Variants in ANKRD30BL observed in about 807,000 individuals in gnomAD.
ANKRD30BL encodes the protein putative ankyrin repeat domain-containing protein 30B-like.
A neutral mutation model predicts 18.4 loss-of-function variants in ANKRD30BL; 20 were observed. The ratio of observed to expected loss-of-function variants is 1.09; its 90% CI spans 0.77 to 1.58. The LOEUF is 1.58. Among genes scored for constraint, ANKRD30BL ranks in the 40% most tolerant of loss-of-function variants. The pLI is 0.00. For synonymous variants in ANKRD30BL, 72 were observed against 100.9 expected, an observed-to-expected ratio of 0.71 and a Z score of 1.72; for missense variants, 224 against 268.6, an observed-to-expected ratio of 0.83 and a Z score of 1.16.
chr2:132,222,864 A>AAAG (rs1679732182), intron 1 of ANKRD30BL, among the ~76,000 whole-genome samples: 4 of 144,500 alleles, frequency 2.8e-5, no homozygotes, highest in South Asian at 2.1e-4. Flanking sequence ...AAAAAAAAAA[A>AAAG]GAAACACTGT....
rs1224516283 is a variant in ANKRD30BL at position 132,209,388 on chromosome 2, A to C, written n.441+48141T>G. On this transcript the variant is annotated intron_variant and non_coding_transcript_variant, in intron 1 of 4. Transcript: ENST00000470729. ...AAGCATTCTGAGAAACTTCTTTGTGATGTGTGCATTCATCTCACAGAGCTG... is the reference window on the plus strand; with the variant it reads ...AAGCATTCTGAGAAACTTCTTTGTGCTGTGTGCATTCATCTCACAGAGCTG... 2.6e-5 allele frequency among the ~76,000 whole-genome samples: 4 copies of C among 152,244 alleles called. No individual in the cohort carries two copies. In the South Asian group the frequency reaches 6.2e-4, roughly 24 times the overall value.
chr2:132,187,328 A>G (rs1033213402), intron 1 of ANKRD30BL, among the ~76,000 whole-genome samples: 1 of 150,966 alleles, frequency 6.6e-6, no homozygotes, highest in Non-Finnish European at 1.5e-5. Flanking sequence ...GGGAGTAGCT[A>G]GGATTACAGA....
intron 1 of ANKRD30BL, among the ~76,000 whole-genome samples, chr2:132,187,911 A>C (rs1558924796): frequency 6.6e-6 from 1 of 152,026 alleles, no homozygotes; most frequent in Non-Finnish European, 1.5e-5. Context: ...GGCACCTGCC[A>C]CCATGCCCAG....
intron 1 of ANKRD30BL, among the ~76,000 whole-genome samples, chr2:132,195,626 A>T (rs1678947660): frequency 6.6e-6 from 1 of 151,496 alleles, no homozygotes; most frequent in African/African-American, 2.4e-5. Flanking sequence ...CCCCATCTCT[A>T]CTAAAAATTC....
chr2:132,197,245 T>C (rs1466483872), intron 1 of ANKRD30BL, among the ~76,000 whole-genome samples: 1 of 152,216 alleles, frequency 6.6e-6, no homozygotes, highest in East Asian at 1.9e-4. Flanking sequence ...TAAAAATGAA[T>C]CCATATCCAG....
At chr2:132,254,472 G>A (rs1009633191) in intron 1 of ANKRD30BL, among the ~76,000 whole-genome samples, 19 of 151,828 alleles carry the variant, frequency 1.3e-4, no homozygotes, top group Admixed American at 2.0e-4. Flanking sequence ...GGGCTGATCC[G>A]AGGGCCTCAC....
intron 1 of ANKRD30BL, among the ~76,000 whole-genome samples, chr2:132,199,966 G>A (rs1457041417): frequency 3.3e-5 from 5 of 152,184 alleles, no homozygotes; most frequent in Admixed American, 6.5e-5. Flanking sequence ...TATCCAACAC[G>A]ATCAAGTGGG....
In ANKRD30BL at chr2:132,182,213, G is replaced by C. The variant is rs184614126; in HGVS notation, n.442-25067C>G. 2.3e-3 allele frequency among the ~76,000 whole-genome samples: 353 copies of C among 152,266 alleles called. 1 individual carries two copies. Among genetic ancestry groups the C allele is most frequent in the African/African-American group, 8.1e-3 (336 of 41,562 alleles). On this transcript the variant is annotated intron_variant and non_coding_transcript_variant, in intron 1 of 4. Transcript: ENST00000470729. ...AAAGAAAATTTGTAGGCCGGGCGCAGTTGCTCAAGCCTGTATCCCAGGACT... is the reference window on the plus strand; with the variant it reads ...AAAGAAAATTTGTAGGCCGGGCGCACTTGCTCAAGCCTGTATCCCAGGACT...
At chr2:132,162,772 T>G (rs1352635711), upstream of ANKRD30BL, among the ~76,000 whole-genome samples, 2 of 152,252 alleles carry the variant, frequency 1.3e-5, no homozygotes, top group African/African-American at 4.8e-5. Flanking sequence ...GCTCGCGCCC[T>G]GAGCGCTGGT....
At chr2:132,244,067 G>A (rs1334692306) in intron 1 of ANKRD30BL, among the ~76,000 whole-genome samples, 1 of 152,292 alleles carries the variant, frequency 6.6e-6, no homozygotes, top group Non-Finnish European at 1.5e-5. Flanking sequence ...TGGTGAAAAA[G>A]GAAATATCTT....
At chr2:132,177,710 C>T (rs1271812797) in intron 1 of ANKRD30BL, among the ~76,000 whole-genome samples, 1 of 152,098 alleles carries the variant, frequency 6.6e-6, no homozygotes, top group African/African-American at 2.4e-5. Flanking sequence ...GCATTTTCTC[C>T]TTTTTTGTTG....
At chr2:132,166,440 A>AG (rs111738843), upstream of ANKRD30BL, among the ~76,000 whole-genome samples, 23 of 114,940 alleles carry the variant, frequency 2.0e-4, no homozygotes, top group South Asian at 8.9e-4. Context: ...TGGGGGGGTG[A>AG]GGGGGGGTTA....
At chr2:132,219,411 G>C (rs1239897012) in intron 1 of ANKRD30BL, among the ~76,000 whole-genome samples, 4 of 151,816 alleles carry the variant, frequency 2.6e-5, no homozygotes, top group Non-Finnish European at 4.4e-5. Flanking sequence ...GAGCAGGTTT[G>C]AAACACTCTT....
At chr2:132,231,053 G>A (rs984442778) in intron 1 of ANKRD30BL, among the ~76,000 whole-genome samples, 10 of 151,938 alleles carry the variant, frequency 6.6e-5, no homozygotes, top group African/African-American at 2.4e-4. Flanking sequence ...AAGTAAGGGA[G>A]TTGAACCTTT....
rs370046016 is a variant in ANKRD30BL, at chr2:132,161,395, C to A, written c.218+93G>T. ...CCGCCACTCCTCCACCTGCTCCCCT[C>A]GTCCCCAGGACCCCCAGGCCCCACT... is the stretch of plus-strand genomic sequence containing the variant. On this transcript the variant is annotated intron_variant, in intron 1 of 5. Transcript: ENST00000409867. 4.0e-5 allele frequency: 49 copies of A among 1,233,832 alleles called. No individual in the cohort carries two copies. The East Asian group carries it at 1.2e-3, about 30-fold the overall frequency. 76.4% of individuals were successfully genotyped at this position (1,233,832 alleles called of 1,614,324 possible).
At chr2:132,200,826 C>T (rs200182787) in intron 1 of ANKRD30BL, among the ~76,000 whole-genome samples, 8 of 152,144 alleles carry the variant, frequency 5.3e-5, no homozygotes, top group Middle Eastern at 3.4e-3. Context: ...AAAAAGAGCC[C>T]GCATCGCCAA....
chr2:132,197,465 T>C (rs1678991765), intron 1 of ANKRD30BL, among the ~76,000 whole-genome samples: 1 of 152,134 alleles, frequency 6.6e-6, no homozygotes, highest in Non-Finnish European at 1.5e-5. Context: ...TTCTAGATTA[T>C]AATTTTTACT....
chr2:132,239,945 G>A (rs1377074951), intron 1 of ANKRD30BL, among the ~76,000 whole-genome samples: 1 of 151,756 alleles, frequency 6.6e-6, no homozygotes, highest in Non-Finnish European at 1.5e-5. Context: ...TGGACATTTG[G>A]ATAGCTTTGA....
chr2:132,191,705 T>A (rs981446363), intron 1 of ANKRD30BL, among the ~76,000 whole-genome samples: 1 of 152,098 alleles, frequency 6.6e-6, no homozygotes, highest in African/African-American at 2.4e-5. Context: ...CATTTTGTTA[T>A]TGTGTTGTTT....
Sources: gnomAD v4.1 joint callset for allele counts (sites outside exome capture counted in the v4.1 genomes callset) on GRCh38, gnomAD v4.1.1 for gene constraint, MANE v1.5 for transcripts, NCBI Gene and HGNC (gene_info 2026-07-23, HGNC 2026-07-21) for gene names.